BNIP1: variants seen among roughly 807,000 people sequenced by gnomAD.
BNIP1 encodes BCL2 interacting protein 1.
A neutral mutation model predicts 28.5 loss-of-function variants in BNIP1; 25 were observed. The observed-to-expected ratio is 0.88, with a 90% confidence interval of 0.64 to 1.23. BNIP1 has a LOEUF of 1.23. BNIP1 is among the 50% of genes most tolerant of loss of function. The probability of loss-of-function intolerance (pLI) is 0.00; values close to 1 mark genes in which losing one functional copy is unlikely to be tolerated. For synonymous variants in BNIP1, 118 were observed against 101.7 expected, an observed-to-expected ratio of 1.16 and a Z score of -0.96; for missense variants, 276 against 277.0, an observed-to-expected ratio of 1.00 and a Z score of 0.02.
chr5:173,154,703 A>G (rs1466792286), intron 3 of BNIP1, among the ~76,000 whole-genome samples: 1 of 151,952 alleles, frequency 6.6e-6, no homozygotes, highest in Non-Finnish European at 1.5e-5. Context: ...TTGTATTTTT[A>G]CTAGAGACAG....
At chr5:173,156,263 C>T (rs1760182717) in intron 3 of BNIP1, among the ~76,000 whole-genome samples, 1 of 152,282 alleles carries the variant, frequency 6.6e-6, no homozygotes, top group East Asian at 1.9e-4. Context: ...TAAGTTATGC[C>T]AGACACACTC....
chr5:173,156,892 G>A (rs969673991), intron 3 of BNIP1, among the ~76,000 whole-genome samples: 4 of 151,396 alleles, frequency 2.6e-5, no homozygotes, highest in Middle Eastern at 3.4e-3. Flanking sequence ...CTCATGATCC[G>A]CCGGTCTCAG....
chr5:173,161,626 T>TTCA (rs1760364229), intron 5 of BNIP1: 1 of 152,240 alleles, frequency 6.6e-6, no homozygotes, highest in Non-Finnish European at 1.5e-5. Context: ...CCTTTCCTTA[T>TTCA]GCCTCACAAA....
At chr5:173,153,872 G>A (rs1197554454) in intron 2 of BNIP1, among the ~76,000 whole-genome samples, 2 of 152,102 alleles carry the variant, frequency 1.3e-5, no homozygotes, top group East Asian at 1.9e-4. Context: ...ACCTTCAAGC[G>A]CTCAAACTGC....
chr5:173,154,466 G>A (rs1458284428), intron 3 of BNIP1, 53 bp downstream of exon 3: 3 of 1,448,214 alleles, frequency 2.1e-6, no homozygotes, highest in Non-Finnish European at 2.9e-6. Context: ...CTTGTTGCCT[G>A]TGAGCCTTGC....
chr5:173,146,962 G>C lies in BNIP1; in HGVS notation c.177+4G>C. 6.2e-7 allele frequency: 1 copy of C among 1,606,254 alleles called. No individual in the cohort carries two copies. The highest frequency in any genetic ancestry group is 1.3e-5 in the African/African-American group (1 of 74,786). Reference sequence around the variant, plus strand: ...ACAGTTGCGTCACAGAATACAGGTGGGTATTCTCAATTCAGTCAATGAAGG... The same window carrying C: ...ACAGTTGCGTCACAGAATACAGGTGCGTATTCTCAATTCAGTCAATGAAGG... On this transcript the variant is annotated splice_donor_region_variant and intron_variant, in intron 2 of 5. Transcript: ENST00000351486.
chr5:173,163,806 T>C lies in BNIP1; in HGVS notation c.572T>C (p.Ile191Thr). Residue 191 changes from isoleucine (I) to threonine (T), a missense_variant, in exon 6 of 6, where the codon ATC becomes ACC. Coordinates refer to ENST00000351486, the MANE Select transcript of BNIP1 (RefSeq NM_001205.3). ...ACCATCCAGCTGGGCCGGAAGCTTA[T>C]CACAAAATACAATCGCCGGGAGCTG... ...SGTIQLGRKLITKYNRRELTD... is the reference protein window; with the variant it reads ...SGTIQLGRKLTTKYNRRELTD... 2 of 1,613,940 alleles carry C rather than the reference T, an allele frequency of 1.2e-6. No individual in the cohort carries two copies. Among genetic ancestry groups the C allele is most frequent in the Non-Finnish European group, 1.7e-6 (2 of 1,179,914 alleles).
chr5:173,144,556 C>G lies in BNIP1; in HGVS notation c.11C>G (p.Pro4Arg). The change falls in exon 1 of 6, where the codon CCC becomes CGC. Residue 4 changes from proline (P) to arginine (R), a missense_variant. Coordinates refer to ENST00000351486, the MANE Select transcript of BNIP1 (RefSeq NM_001205.3). MAA[P>R]QDVHVRICNQ... ...GCCGGCGTCCCCAACATGGCGGCTC[C>G]CCAAGACGTCCACGTCCGGATCTGT... is the stretch of plus-strand genomic sequence containing the variant. The G allele has an allele frequency of 6.2e-7, 1 of 1,614,110 alleles. No individual in the cohort carries two copies. The highest frequency in any genetic ancestry group is 8.5e-7 in the Non-Finnish European group (1 of 1,179,974).
At chr5:173,156,970 CA>C (rs1002082284) in intron 3 of BNIP1, among the ~76,000 whole-genome samples, 1 of 149,920 alleles carries the variant, frequency 6.7e-6, no homozygotes, top group African/African-American at 2.5e-5. Flanking sequence ...AAAAAAAAAA[CA>C]AAAAAAACAA....
At chr5:173,144,819 TC>T in intron 1 of BNIP1, 190 bp downstream of exon 1, 1 of 573,582 alleles carries the variant, frequency 1.7e-6, no homozygotes, top group Admixed American at 3.3e-5. Context: ...TGATCCTTTT[TC>T]CGGGTGCCGC....
chr5:173,161,213 C>G (rs1234472976), intron 5 of BNIP1: 1 of 174,322 alleles, frequency 5.7e-6, no homozygotes, highest in African/African-American at 2.4e-5. Flanking sequence ...GAAGCAACCC[C>G]ATAACTACAA....
rs982118449 is a variant in BNIP1, at chr5:173,154,401, A to G, written c.257A>G (p.Lys86Arg). 6.2e-7 allele frequency: 1 copy of G among 1,613,608 alleles called. No individual in the cohort carries two copies. The highest frequency in any genetic ancestry group is 8.5e-7 in the Non-Finnish European group (1 of 1,179,716). Residue 86 changes from lysine to arginine, a missense_variant, in exon 3 of 6, where the codon AAG becomes AGG. Lys to Arg is a conservative substitution (Grantham distance 26). Coordinates refer to ENST00000351486, the MANE Select transcript of BNIP1 (RefSeq NM_001205.3). ...LLLQEVENHK[K>R]QMLSNQASWR... ...CTCCAGGAAGTGGAGAATCACAAAA[A>G]GCAGATGCTCAGGTAGGCAGGGCCT...
chr5:173,148,083 AATATATATATATATATATATAT>A (rs70984952), intron 2 of BNIP1, among the ~76,000 whole-genome samples: 14 of 40,302 alleles, frequency 3.5e-4, no homozygotes, highest in African/African-American at 1.4e-3. Flanking sequence ...AAAAAAAAAA[AATATATATATATATATATATAT>A]ATATATATAT....
At chr5:173,155,214 TAATCCTTG>T (rs918260259) in intron 3 of BNIP1, among the ~76,000 whole-genome samples, 43 of 152,230 alleles carry the variant, frequency 2.8e-4, no homozygotes, top group African/African-American at 1.0e-3. Context: ...AGGTGTGTGC[TAATCCTTG>T]ATTATATAGT....
rs942875533 is a variant in BNIP1, at chr5:173,164,246, G to A, written c.*325G>A. On this transcript the variant is annotated 3_prime_UTR_variant, in exon 6 of 6. Coordinates refer to ENST00000351486, the MANE Select transcript of BNIP1 (RefSeq NM_001205.3). The surrounding 1 kb of genome is among the most constrained non-coding windows in gnomAD (Gnocchi z 4.0). ...GGACCGGATGCCCCTCCTGTCTCCC[G>A]CTCCCATCGTGCCCTTAAATGCCAG... 2 of 221,120 alleles carry A rather than the reference G, an allele frequency of 9.0e-6. No individual in the cohort carries two copies. The highest frequency in any genetic ancestry group is 5.8e-5 in the Admixed American group (1 of 17,286). 13.7% of individuals were successfully genotyped at this position (221,120 alleles called of 1,614,324 possible).
intron 2 of BNIP1, chr5:173,151,540 A>G: frequency 6.4e-7 from 1 of 1,553,314 alleles, no homozygotes; most frequent in Non-Finnish European, 8.8e-7. Flanking sequence ...TTTCTAAATA[A>G]CTGTCATTTT....
chr5:173,147,774 T>C (rs1346867541), intron 2 of BNIP1, among the ~76,000 whole-genome samples: 1 of 151,990 alleles, frequency 6.6e-6, no homozygotes, highest in African/African-American at 2.4e-5. Flanking sequence ...TCTTATTACA[T>C]TGGGCTGGGC....
At chr5:173,160,927 A>G (rs1329167947) in intron 5 of BNIP1, 1 of 455,668 alleles carries the variant, frequency 2.2e-6, no homozygotes, top group East Asian at 6.9e-5. Context: ...GATGGAGAAG[A>G]GTATCAGCCC....
chr5:173,160,270 TG>T (rs1760325778), intron 5 of BNIP1, among the ~76,000 whole-genome samples: 3 of 151,970 alleles, frequency 2.0e-5, no homozygotes, highest in Admixed American at 6.6e-5. Flanking sequence ...GTTTCGCTCT[TG>T]TTGCCCAGGT....
Sources: gnomAD v4.1 joint callset for allele counts (sites outside exome capture counted in the v4.1 genomes callset) on GRCh38, gnomAD v4.1.1 for gene constraint, Gnocchi (gnomAD v3.1) non-coding constraint, MANE v1.5 for transcripts, NCBI Gene and HGNC (gene_info 2026-07-23, HGNC 2026-07-21) for gene names.